TAFA1: variants seen among roughly 807,000 people sequenced by gnomAD.
The protein encoded by TAFA1 is TAFA chemokine like family member 1.
TAFA1 carries 4 observed loss-of-function variants against 18.5 expected under a neutral mutation model. The ratio of observed to expected loss-of-function variants is 0.22; its 90% CI spans 0.11 to 0.49. TAFA1 has a LOEUF of 0.49. Ranked by LOEUF, TAFA1 falls within the 20% of genes least tolerant of loss-of-function variation. The pLI, the probability that TAFA1 is intolerant of heterozygous loss-of-function variation, is 0.98. For missense variants in TAFA1, 147 were observed against 169.0 expected (o/e 0.87, Z 0.72); for synonymous variants, 56 against 55.2 (o/e 1.01, Z -0.06).
intron 2 of TAFA1, among the ~76,000 whole-genome samples, chr3:68,276,396 G>T (rs2067798764): frequency 6.6e-6 from 1 of 152,128 alleles, no homozygotes; most frequent in African/African-American, 2.4e-5. Flanking sequence ...CAAAATGTCT[G>T]CAGACATTGC....
intron 2 of TAFA1, among the ~76,000 whole-genome samples, chr3:68,399,772 A>C (rs2070453421): frequency 6.6e-6 from 1 of 152,162 alleles, no homozygotes; most frequent in South Asian, 2.1e-4. Context: ...ACATAGTTGG[A>C]ACACTAAAAC....
At chr3:68,172,710 A>G (rs1003727553) in intron 2 of TAFA1, among the ~76,000 whole-genome samples, 1 of 152,204 alleles carries the variant, frequency 6.6e-6, no homozygotes, top group African/African-American at 2.4e-5. Flanking sequence ...ATACCGATAC[A>G]TGCTACAACA....
intron 2 of TAFA1, among the ~76,000 whole-genome samples, chr3:68,337,733 A>G (rs1212406113): frequency 6.6e-6 from 1 of 152,162 alleles, no homozygotes; most frequent in African/African-American, 2.4e-5. Flanking sequence ...GCATTTCTTA[A>G]AGTAACCTTG....
chr3:68,205,997 T>A (rs1436166418), intron 2 of TAFA1, among the ~76,000 whole-genome samples: 1 of 151,860 alleles, frequency 6.6e-6, no homozygotes, highest in Non-Finnish European at 1.5e-5. Flanking sequence ...ATTAAAGATA[T>A]AACCTAAAAT....
At chr3:68,538,023 T>A (rs572689111) in intron 3 of TAFA1, among the ~76,000 whole-genome samples, 1 of 152,114 alleles carries the variant, frequency 6.6e-6, no homozygotes, top group East Asian at 1.9e-4. Flanking sequence ...GAATGGGGAA[T>A]GTTGATTGGG....
intron 2 of TAFA1, among the ~76,000 whole-genome samples, chr3:68,152,478 G>A (rs1477541739): frequency 6.6e-6 from 1 of 152,150 alleles, no homozygotes; most frequent in East Asian, 1.9e-4. Flanking sequence ...ACAGTCCAAA[G>A]TCAAAGATGA....
intron 2 of TAFA1, among the ~76,000 whole-genome samples, chr3:68,022,355 A>T (rs926768147): frequency 6.6e-6 from 1 of 152,318 alleles, no homozygotes; most frequent in Middle Eastern, 3.4e-3. Context: ...TTCTAAACTT[A>T]TATCCAGTGT....
In TAFA1 at chr3:68,145,673, T is replaced by C. The variant is rs2065730692; in HGVS notation, c.118+138929T>C. 1.3e-5 allele frequency: 12 copies of C among 917,878 alleles called. No homozygotes were observed. In the Admixed American group the frequency reaches 1.4e-4, roughly 10 times the overall value. 56.9% of individuals were successfully genotyped at this position (917,878 alleles called of 1,614,324 possible). ...TTCAAGATTCATCTTCAGAATCCTG[T>C]ATACTGACAAATATAGAAATGTAAA... On this transcript the variant is annotated intron_variant, in intron 2 of 4. Transcript: ENST00000478136.
intron 3 of TAFA1, among the ~76,000 whole-genome samples, chr3:68,480,617 G>C (rs982232947): frequency 4.6e-5 from 7 of 152,072 alleles, no homozygotes; most frequent in African/African-American, 1.7e-4. Flanking sequence ...CAGAACCCTA[G>C]GTGTCTGTTT....
At chr3:68,488,658 C>A (rs748828035) in intron 3 of TAFA1, among the ~76,000 whole-genome samples, 1 of 152,076 alleles carries the variant, frequency 6.6e-6, no homozygotes, top group Non-Finnish European at 1.5e-5. Context: ...AATAAGATAC[C>A]TGCACCACAG....
At chr3:68,426,731 G>A (rs1160599135) in intron 3 of TAFA1, among the ~76,000 whole-genome samples, 1 of 151,824 alleles carries the variant, frequency 6.6e-6, no homozygotes, top group Non-Finnish European at 1.5e-5. Flanking sequence ...ATGATAAATA[G>A]GAAATTTTGT....
At chr3:68,174,966 C>T (rs1370734954) in intron 2 of TAFA1, among the ~76,000 whole-genome samples, 4 of 152,160 alleles carry the variant, frequency 2.6e-5, no homozygotes, top group African/African-American at 9.7e-5. Flanking sequence ...GACTTGGTGC[C>T]CTGCAGCCCA....
chr3:68,323,366 A>G (rs1407199978), intron 2 of TAFA1, among the ~76,000 whole-genome samples: 1 of 152,234 alleles, frequency 6.6e-6, no homozygotes, highest in Non-Finnish European at 1.5e-5. Flanking sequence ...CAGGTTGAGG[A>G]GTCAGGAAAG....
intron 2 of TAFA1, among the ~76,000 whole-genome samples, chr3:68,024,631 C>T (rs975198877): frequency 6.6e-6 from 1 of 152,090 alleles, no homozygotes; most frequent in Non-Finnish European, 1.5e-5. Context: ...TCACAAACAT[C>T]AATACCAAGT....
intron 3 of TAFA1, among the ~76,000 whole-genome samples, chr3:68,527,572 C>T (rs975510658): frequency 1.3e-5 from 2 of 152,096 alleles, no homozygotes; most frequent in African/African-American, 4.8e-5. Context: ...TATGGTCACA[C>T]TCTGAGAATC....
chr3:68,482,298 A>G (rs185165695), intron 3 of TAFA1, among the ~76,000 whole-genome samples: 2 of 152,276 alleles, frequency 1.3e-5, no homozygotes, highest in East Asian at 3.9e-4. Context: ...TGAAATTCTT[A>G]AACATTTATT....
chr3:68,195,594 CAGGA>C lies in TAFA1; in HGVS notation c.118+188852_118+188855del, dbSNP rs1559554772. ...TCCTTGGCATCTGGTGGGTGGAGACCAGGAATGCTGTTCAGTGTACTACAAGGTC... is the reference window on the plus strand; with the variant it reads ...TCCTTGGCATCTGGTGGGTGGAGACCATGCTGTTCAGTGTACTACAAGGTC... On this transcript the variant is annotated intron_variant, in intron 2 of 4. Transcript: ENST00000478136. Among the ~76,000 whole-genome samples, 3 of 151,226 alleles carry C rather than the reference CAGGA, an allele frequency of 2.0e-5. No individual in the cohort carries two copies. In the South Asian group the frequency reaches 6.3e-4, roughly 32 times the overall value.
upstream of TAFA1, among the ~76,000 whole-genome samples, chr3:68,003,547 A>G (rs1704309232): frequency 6.6e-6 from 1 of 152,216 alleles, no homozygotes; most frequent in South Asian, 2.1e-4. Flanking sequence ...AGCACAATCT[A>G]TAAATGAAAA....
intron 2 of TAFA1, among the ~76,000 whole-genome samples, chr3:68,404,990 A>AT (rs1043724263): frequency 1.3e-5 from 2 of 151,924 alleles, no homozygotes; most frequent in Non-Finnish European, 1.5e-5. Flanking sequence ...ATGTTGTTCC[A>AT]TTTTTTCCAT....
Sources: allele counts gnomAD v4.1 joint callset (sites outside exome capture counted in the v4.1 genomes callset), GRCh38; gene constraint gnomAD v4.1.1; transcripts MANE v1.5; gene names NCBI Gene and HGNC (gene_info 2026-07-23, HGNC 2026-07-21).